Variants in HPSE2 observed in about 807,000 individuals in gnomAD.
HPSE2 encodes inactive heparanase-2.
HPSE2 carries 38 observed loss-of-function variants against 60.5 expected under a neutral mutation model. That is an observed-to-expected ratio of 0.63 (90% CI 0.48 to 0.82). The LOEUF (loss-of-function observed/expected upper bound fraction) is 0.82, where lower values mean the gene tolerates loss of function less well. Among genes scored for constraint, HPSE2 ranks in the 40% least tolerant of loss-of-function variants. The pLI is 0.00. For missense variants in HPSE2, 713 were observed against 740.4 expected, an observed-to-expected ratio of 0.96 and a Z score of 0.43; for synonymous variants, 295 against 293.2, an observed-to-expected ratio of 1.01 and a Z score of -0.06.
At chr10:98,985,519 A>T (rs1376884599) in intron 3 of HPSE2, among the ~76,000 whole-genome samples, 6 of 152,198 alleles carry the variant, frequency 3.9e-5, no homozygotes, top group African/African-American at 1.2e-4. Context: ...AACAACCAGT[A>T]CCAGCCACTG....
chr10:98,555,000 G>T (rs1943963837), intron 9 of HPSE2, among the ~76,000 whole-genome samples: 1 of 152,132 alleles, frequency 6.6e-6, no homozygotes, highest in Non-Finnish European at 1.5e-5. Context: ...TTTCATTGCA[G>T]CAGCTATGAT....
chr10:98,797,096 G>A (rs116005019), intron 3 of HPSE2, among the ~76,000 whole-genome samples: 2,695 of 152,114 alleles, frequency 0.018, 103 homozygotes, highest in African/African-American at 0.062. Context: ...GAACATCTAC[G>A]AGCATCAACA....
chr10:99,278,012 G>A, the HPSE2 span, among the ~76,000 whole-genome samples: 16 of 149,394 alleles, frequency 1.1e-4, no homozygotes, highest in East Asian at 2.8e-3. Context: ...CGAGAGAATC[G>A]CTTGAACCCA....
intron 6 of HPSE2, among the ~76,000 whole-genome samples, chr10:98,649,022 A>G (rs1393755070): frequency 1.3e-5 from 2 of 152,168 alleles, no homozygotes; most frequent in African/African-American, 4.8e-5. Context: ...AGCTTAATTC[A>G]TTAGCTTCAT....
intron 2 of HPSE2, among the ~76,000 whole-genome samples, chr10:99,221,196 G>T (rs941516457): frequency 1.3e-5 from 2 of 152,090 alleles, no homozygotes; most frequent in Non-Finnish European, 1.5e-5. Flanking sequence ...GTATTCATGT[G>T]CATGCATTAC....
rs371093009 is a variant in HPSE2, at chr10:98,498,076, T to C, written c.1321-7880A>G. Among the ~76,000 whole-genome samples, 10 of 152,218 alleles carry C rather than the reference T, an allele frequency of 6.6e-5. No individual in the cohort carries two copies. In the East Asian group the frequency reaches 1.4e-3, roughly 21 times the overall value. Reference sequence around the variant, plus strand: ...TTCTTTAAATATAGCTTTGAGGAGATTGGATCATCATGGTGGACGGGAGGC... The same window carrying C: ...TTCTTTAAATATAGCTTTGAGGAGACTGGATCATCATGGTGGACGGGAGGC... On this transcript the variant is annotated intron_variant, in intron 9 of 11. Coordinates refer to ENST00000370552, the MANE Select transcript of HPSE2 (RefSeq NM_021828.5).
chr10:98,535,096 T>C lies in HPSE2; in HGVS notation c.1321-44900A>G, dbSNP rs182930714. ...AGAAAACAACTTCATACTATATTTTTACTACTGTCTTTGAAACCTGCTTTC... is the reference window on the plus strand; with the variant it reads ...AGAAAACAACTTCATACTATATTTTCACTACTGTCTTTGAAACCTGCTTTC... On this transcript the variant is annotated intron_variant, in intron 9 of 11. Coordinates refer to ENST00000370552, the MANE Select transcript of HPSE2 (RefSeq NM_021828.5). 2.9e-4 allele frequency among the ~76,000 whole-genome samples: 44 copies of C among 152,368 alleles called. No homozygotes were observed. The Middle Eastern group carries it at 0.01, about 35-fold the overall frequency.
intron 2 of HPSE2, among the ~76,000 whole-genome samples, chr10:99,206,859 T>A (rs1286830773): frequency 6.6e-6 from 1 of 151,772 alleles, no homozygotes; most frequent in Non-Finnish European, 1.5e-5. Flanking sequence ...TTGAAATATA[T>A]AACCAGAGGA....
At chr10:98,493,307 G>A (rs1941720112) in intron 9 of HPSE2, among the ~76,000 whole-genome samples, 1 of 152,176 alleles carries the variant, frequency 6.6e-6, no homozygotes, top group East Asian at 1.9e-4. Flanking sequence ...TGGTGTGTCT[G>A]TTAGATCTAG....
the HPSE2 span, among the ~76,000 whole-genome samples, chr10:99,315,664 C>T: frequency 3.3e-5 from 5 of 152,212 alleles, no homozygotes; most frequent in African/African-American, 1.2e-4. Context: ...ATTTCTATGG[C>T]GATTTTATAT....
chr10:99,062,447 C>T lies in HPSE2; in HGVS notation c.610+81791G>A, dbSNP rs1842476005. ...TCCAGTCATTCTTCTTATTCACAGA[C>T]ATTTGGTATCCAGTAGCCAAATCTT... On this transcript the variant is annotated intron_variant, in intron 3 of 11. Transcript: ENST00000370552. 2.0e-5 allele frequency among the ~76,000 whole-genome samples: 3 copies of T among 152,320 alleles called. No homozygotes were observed. In the South Asian group the frequency reaches 6.2e-4, roughly 32 times the overall value.
At chr10:98,525,493 G>A (rs78997994) in intron 9 of HPSE2, among the ~76,000 whole-genome samples, 1,929 of 152,342 alleles carry the variant, frequency 0.013, 18 homozygotes, top group Admixed American at 0.03. Flanking sequence ...CTGGGAAGAC[G>A]GGCCTAAGGG....
rs1029653058 is a variant in HPSE2, at chr10:98,461,917, T to C, written c.1614-2178A>G. On this transcript the variant is annotated intron_variant, in intron 11 of 11. Transcript: ENST00000370552. ...AACAGGCCCTATTCTGGTTTCTTTA[T>C]TGGTTGGTTAAAAAGCTAAGAGTAG... is the stretch of plus-strand genomic sequence containing the variant. 4.4e-6 allele frequency: 4 copies of C among 899,864 alleles called. No homozygotes were observed. In the East Asian group the frequency reaches 7.9e-5, roughly 18 times the overall value. The allele number at this position is 899,864 out of a possible 1,614,324, so 55.7% of individuals were successfully genotyped here. A position where few individuals can be genotyped will look rare whatever the true frequency, so the allele number is the denominator to read the frequency against.
chr10:98,785,658 T>C (rs1370287985), intron 3 of HPSE2, among the ~76,000 whole-genome samples: 1 of 148,386 alleles, frequency 6.7e-6, no homozygotes, highest in African/African-American at 2.5e-5. Context: ...AACTTCTTCC[T>C]GGTTTAGTCT....
At chr10:98,568,934 C>T (rs558726769) in intron 9 of HPSE2, among the ~76,000 whole-genome samples, 1 of 151,994 alleles carries the variant, frequency 6.6e-6, no homozygotes, top group African/African-American at 2.4e-5. Context: ...GATGAAATGT[C>T]CTAAAATTAG....
intron 9 of HPSE2, among the ~76,000 whole-genome samples, chr10:98,577,677 T>C (rs1039804136): frequency 6.6e-6 from 1 of 152,190 alleles, no homozygotes; most frequent in African/African-American, 2.4e-5. Context: ...GGTGGTACTT[T>C]GGAGCCCTCA....
chr10:98,513,534 G>T (rs1160356708), intron 9 of HPSE2, among the ~76,000 whole-genome samples: 3 of 152,162 alleles, frequency 2.0e-5, no homozygotes, highest in Non-Finnish European at 2.9e-5. Context: ...CAGGTGTGCT[G>T]CAAGTGAAAG....
rs1949564067 is a variant in HPSE2 at position 98,743,962 on chromosome 10, G to T, written c.705C>A (p.Ser235=). The T allele has an allele frequency of 6.2e-7, 1 of 1,614,074 alleles. No individual in the cohort carries two copies. Among genetic ancestry groups the T allele is most frequent in the Non-Finnish European group, 8.5e-7 (1 of 1,179,932 alleles). Reference sequence around the variant, plus strand: ...GACTCAGGGCACTAGAACTGTTCCAGGAGTTATTGGGATTACGACGCAGTG... The same window carrying T: ...GACTCAGGGCACTAGAACTGTTCCATGAGTTATTGGGATTACGACGCAGTG... ...LNALRRNPNN[S]WNSSSALSLL... is the part of the protein sequence containing the mutation. The change falls in exon 4 of 12, where the codon TCC becomes TCA. Residue 235 remains serine (S), a synonymous_variant. Transcript: ENST00000370552.
Position 98,693,974 on chromosome 10 carries a change from A to ATAAAAAGATG in HPSE2, c.957-28_957-27insCATCTTTTTA, listed in dbSNP as rs769519225. ...TGTAAGGAATAGAAAGAAAAAAGAT[A>ATAAAAAGATG]TTACAACTTAGATTAAACCACATCC... On this transcript the variant is annotated intron_variant, in intron 5 of 11. Coordinates refer to ENST00000370552, the MANE Select transcript of HPSE2 (RefSeq NM_021828.5). 65 of 1,566,608 alleles carry ATAAAAAGATG rather than the reference A, an allele frequency of 4.1e-5. 1 individual carries two copies. The Admixed American group carries it at 9.7e-4, about 23-fold the overall frequency.
Sources: gnomAD v4.1 joint callset for allele counts (sites outside exome capture counted in the v4.1 genomes callset) on GRCh38, gnomAD v4.1.1 for gene constraint, MANE v1.5 for transcripts, NCBI Gene and HGNC (gene_info 2026-07-23, HGNC 2026-07-21) for gene names.